The following MARCHF11 variants were observed in gnomAD, a reference collection of about 807,000 sequenced individuals.
MARCHF11 encodes E3 ubiquitin-protein ligase MARCHF11.
A neutral mutation model predicts 37.3 loss-of-function variants in MARCHF11; 29 were observed. The ratio of observed to expected loss-of-function variants is 0.78; its 90% CI spans 0.58 to 1.06. The LOEUF (loss-of-function observed/expected upper bound fraction) is 1.06. MARCHF11 is among the 50% of genes least tolerant of loss of function. MARCHF11 has a pLI of 0.00. For synonymous variants in MARCHF11, 233 were observed against 228.0 expected (o/e 1.02, Z -0.20); for missense variants, 482 against 533.4 (o/e 0.90, Z 0.95).
intron 2 of MARCHF11, among the ~76,000 whole-genome samples, chr5:16,155,335 C>A (rs929663055): frequency 6.6e-6 from 1 of 151,630 alleles, no homozygotes. Flanking sequence ...CGATTACCAC[C>A]AGGAGGCAAA....
intron 2 of MARCHF11, among the ~76,000 whole-genome samples, chr5:16,168,273 T>G (rs540774158): frequency 6.6e-6 from 1 of 152,220 alleles, no homozygotes; most frequent in East Asian, 1.9e-4. Flanking sequence ...GGGAGATTCA[T>G]CACCCATCCT....
intron 3 of MARCHF11, among the ~76,000 whole-genome samples, chr5:16,073,902 AATAG>A (rs1256595328): frequency 6.6e-6 from 1 of 152,204 alleles, no homozygotes; most frequent in Non-Finnish European, 1.5e-5. Flanking sequence ...AGATGGACTT[AATAG>A]ATATTTCCAG....
chr5:16,163,851 T>C (rs1738126715), intron 2 of MARCHF11, among the ~76,000 whole-genome samples: 1 of 152,044 alleles, frequency 6.6e-6, no homozygotes, highest in South Asian at 2.1e-4. Context: ...GATTAGGGCC[T>C]TTATAAAAGG....
chr5:16,076,705 T>G (rs1237417177), intron 3 of MARCHF11, among the ~76,000 whole-genome samples: 1 of 152,224 alleles, frequency 6.6e-6, no homozygotes, highest in African/African-American at 2.4e-5. Context: ...GAATAAGGAC[T>G]CTGAGACCCA....
intron 2 of MARCHF11, among the ~76,000 whole-genome samples, chr5:16,116,462 AC>A (rs1290326829): frequency 2.6e-5 from 4 of 152,148 alleles, no homozygotes; most frequent in East Asian, 3.9e-4. Flanking sequence ...GTTCAGTGTT[AC>A]CCCCACCCTC....
At chr5:16,100,533 G>A (rs1736937870) in intron 2 of MARCHF11, among the ~76,000 whole-genome samples, 1 of 152,068 alleles carries the variant, frequency 6.6e-6, no homozygotes, top group Non-Finnish European at 1.5e-5. Context: ...GTGGAGTGGA[G>A]AGTGACTCTA....
At chr5:16,166,132 T>C (rs560148731) in intron 2 of MARCHF11, among the ~76,000 whole-genome samples, 1 of 152,230 alleles carries the variant, frequency 6.6e-6, no homozygotes, top group African/African-American at 2.4e-5. Flanking sequence ...TCACTGGCGG[T>C]TCTTCCAGGT....
intron 2 of MARCHF11, among the ~76,000 whole-genome samples, chr5:16,176,232 T>C (rs1185073636): frequency 6.6e-6 from 1 of 152,136 alleles, no homozygotes; most frequent in African/African-American, 2.4e-5. Flanking sequence ...TGAAATAGTC[T>C]TCTGTTTCAG....
intron 2 of MARCHF11, among the ~76,000 whole-genome samples, chr5:16,093,528 C>G (rs1339786878): frequency 6.6e-6 from 1 of 152,034 alleles, no homozygotes; most frequent in Non-Finnish European, 1.5e-5. Context: ...ATCGAGTGGC[C>G]ATGCACTGAC....
At chr5:16,134,255 A>G (rs1022156712) in intron 2 of MARCHF11, among the ~76,000 whole-genome samples, 14 of 152,154 alleles carry the variant, frequency 9.2e-5, no homozygotes, top group Admixed American at 7.9e-4. Flanking sequence ...CTCAAAAAGC[A>G]TGTGCTGGAA....
At chr5:16,168,046 A>G (rs1738199461) in intron 2 of MARCHF11, among the ~76,000 whole-genome samples, 2 of 152,126 alleles carry the variant, frequency 1.3e-5, no homozygotes, top group Non-Finnish European at 2.9e-5. Context: ...GTCACATTAT[A>G]TGAATAATCA....
chr5:16,148,252 T>C (rs1308294830), intron 2 of MARCHF11, among the ~76,000 whole-genome samples: 1 of 152,026 alleles, frequency 6.6e-6, no homozygotes, highest in Non-Finnish European at 1.5e-5. Flanking sequence ...TAGGATTAAA[T>C]TTATGAAAAA....
intron 2 of MARCHF11, among the ~76,000 whole-genome samples, chr5:16,161,142 C>T (rs973734019): frequency 2.4e-4 from 37 of 151,372 alleles, no homozygotes; most frequent in African/African-American, 9.0e-4. Context: ...CCCATTAACG[C>T]TTCATTTACA....
intron 2 of MARCHF11, among the ~76,000 whole-genome samples, chr5:16,120,827 C>G (rs1187956875): frequency 1.3e-5 from 2 of 152,152 alleles, no homozygotes; most frequent in East Asian, 3.9e-4. Context: ...TAAGCCGCCC[C>G]ACTTGAGATC....
chr5:16,100,812 G>A (rs1349766387), intron 2 of MARCHF11, among the ~76,000 whole-genome samples: 3 of 152,214 alleles, frequency 2.0e-5, no homozygotes, highest in African/African-American at 2.4e-5. Flanking sequence ...GGAAGGTTAT[G>A]TCTAACTGAG....
chr5:16,145,050 C>T (rs1737777286), intron 2 of MARCHF11, among the ~76,000 whole-genome samples: 1 of 152,140 alleles, frequency 6.6e-6, no homozygotes, highest in Non-Finnish European at 1.5e-5. Flanking sequence ...GTTAGTAGAA[C>T]AGAGCTGAAT....
Position 16,179,312 on chromosome 5 carries a change from G to A in MARCHF11, c.264C>T (p.Pro88=), listed in dbSNP as rs1364043430. 22 of 1,249,100 alleles carry A rather than the reference G, an allele frequency of 1.8e-5. No homozygotes were observed. The highest frequency in any genetic ancestry group is 7.0e-6 in the Non-Finnish European group (7 of 997,206). The allele number at this position is 1,249,100 out of a possible 1,614,324, so 77.4% of individuals were successfully genotyped here. The change falls in exon 1 of 4, where the codon CCC becomes CCT. Residue 88 remains proline (P), a synonymous_variant. Coordinates refer to ENST00000332432, the MANE Select transcript of MARCHF11 (RefSeq NM_001102562.3). ...GADELPPPPL[P]LQPAGQEVAA... is the part of the protein sequence containing the mutation. ...CCACTTCCTGGCCGGCGGGCTGCAG[G>A]GGCAGGGGCGGAGGCGGCAGCTCGT...
intron 2 of MARCHF11, among the ~76,000 whole-genome samples, chr5:16,155,588 C>A (rs1194748196): frequency 1.3e-5 from 2 of 151,860 alleles, no homozygotes; most frequent in Non-Finnish European, 2.9e-5. Context: ...GGACAGAGTT[C>A]TTTCCATTTT....
At chr5:16,135,197 G>C (rs939101431) in intron 2 of MARCHF11, among the ~76,000 whole-genome samples, 1 of 152,152 alleles carries the variant, frequency 6.6e-6, no homozygotes, top group Non-Finnish European at 1.5e-5. Context: ...GCATTGTTAA[G>C]TGCTGAGGTG....
Sources: gnomAD v4.1 joint callset for allele counts (sites outside exome capture counted in the v4.1 genomes callset) on GRCh38, gnomAD v4.1.1 for gene constraint, MANE v1.5 for transcripts, NCBI Gene and HGNC (gene_info 2026-07-23, HGNC 2026-07-21) for gene names.